The following GALNT6 variants were observed in gnomAD, a reference collection of about 807,000 sequenced individuals.
GALNT6 encodes the protein polypeptide N-acetylgalactosaminyltransferase 6, also known as GalNAc transferase 6.
A neutral mutation model predicts 65.9 loss-of-function variants in GALNT6; 51 were observed. The ratio of observed to expected loss-of-function variants is 0.77; its 90% CI spans 0.62 to 0.98. GALNT6 has a LOEUF of 0.98. Ranked by LOEUF, GALNT6 falls within the 50% of genes least tolerant of loss-of-function variation. The pLI, the probability that GALNT6 is intolerant of heterozygous loss-of-function variation, is 0.00. For missense variants in GALNT6, 708 were observed against 803.3 expected, an observed-to-expected ratio of 0.88 and a Z score of 1.43; for synonymous variants, 323 against 315.1, an observed-to-expected ratio of 1.02 and a Z score of -0.26.
At chr12:51,362,032 T>G (rs1268183395) in intron 6 of GALNT6, among the ~76,000 whole-genome samples, 1 of 152,190 alleles carries the variant, frequency 6.6e-6, no homozygotes, top group Non-Finnish European at 1.5e-5. Flanking sequence ...AGCCACTTTC[T>G]GGAAGGAATT....
intron 6 of GALNT6, 81 bp from the exon 7 acceptor site, chr12:51,360,919 C>A: frequency 6.3e-6 from 5 of 797,214 alleles, no homozygotes; most frequent in Non-Finnish European, 1.1e-5. Flanking sequence ...TTTGTGGACT[C>A]CCCTCCTAAC....
intron 3 of GALNT6, among the ~76,000 whole-genome samples, chr12:51,377,645 C>G (rs550139800): frequency 6.6e-6 from 1 of 152,168 alleles, no homozygotes; most frequent in Non-Finnish European, 1.5e-5. Context: ...CTCCTCCACC[C>G]CCTTCCTTCA....
intron 3 of GALNT6, among the ~76,000 whole-genome samples, chr12:51,378,944 G>A (rs190312192): frequency 2.7e-5 from 4 of 149,362 alleles, no homozygotes; most frequent in Admixed American, 6.9e-5. Context: ...CTCAGTAGAG[G>A]AGAAAGCTAC....
chr12:51,364,102 AC>A lies in GALNT6; in HGVS notation c.1049+18del, dbSNP rs1947012692. ...AGGACTGGGGCCAGGTTGGGGGCTCACCAGGCTGCGGTCCTTACTTGATGGG... is the reference window on the plus strand; with the variant it reads ...AGGACTGGGGCCAGGTTGGGGGCTCACAGGCTGCGGTCCTTACTTGATGGG... On this transcript the variant is annotated intron_variant, in intron 6 of 11. Coordinates refer to ENST00000356317, the MANE Select transcript of GALNT6 (RefSeq NM_007210.4). The A allele has an allele frequency of 6.4e-7, 1 of 1,573,858 alleles. No homozygotes were observed. Among genetic ancestry groups the A allele is most frequent in the East Asian group, 2.2e-5 (1 of 44,648 alleles).
At chr12:51,365,623 T>C (rs747183648) in intron 4 of GALNT6, 44 bp from the exon 5 acceptor site, 1 of 1,595,542 alleles carries the variant, frequency 6.3e-7, no homozygotes, top group Admixed American at 1.7e-5. Context: ...CACTTTGCTG[T>C]ATACCCAATC....
intron 6 of GALNT6, among the ~76,000 whole-genome samples, chr12:51,361,142 C>T (rs553092508): frequency 2.5e-4 from 38 of 152,312 alleles, no homozygotes; most frequent in Middle Eastern, 6.8e-3. Context: ...ACACACAGAA[C>T]GGAGAAAGAC....
rs1395678926 is a variant in GALNT6, at chr12:51,353,314, T to C, written c.*1065A>G. ...AAACAGTTCTACAGACTTCAGGTAA[T>C]AATAGCAAGGGAGGATCTCTTAGAC... On this transcript the variant is annotated 3_prime_UTR_variant, in exon 12 of 12. Coordinates refer to ENST00000356317, the MANE Select transcript of GALNT6 (RefSeq NM_007210.4). 2 of 151,850 alleles carry C rather than the reference T, an allele frequency of 1.3e-5. No individual in the cohort carries two copies. The highest frequency in any genetic ancestry group is 2.9e-5 in the Non-Finnish European group (2 of 67,988). The allele number at this position is 151,850 out of a possible 1,614,324, so 9.4% of individuals were successfully genotyped here.
At chr12:51,389,785 T>C (rs1362969398) in intron 2 of GALNT6, among the ~76,000 whole-genome samples, 1 of 152,208 alleles carries the variant, frequency 6.6e-6, no homozygotes, top group Non-Finnish European at 1.5e-5. Context: ...TTCTTCCAGC[T>C]GAACTTGGGC....
At chr12:51,372,052 T>C (rs1162365324) in intron 4 of GALNT6, among the ~76,000 whole-genome samples, 1 of 152,190 alleles carries the variant, frequency 6.6e-6, no homozygotes, top group Admixed American at 6.5e-5. Flanking sequence ...TTGTTTATCA[T>C]AGGGTCCACA....
intron 2 of GALNT6, among the ~76,000 whole-genome samples, chr12:51,381,290 G>C (rs951089173): frequency 2.6e-4 from 39 of 152,264 alleles, no homozygotes; most frequent in African/African-American, 9.4e-4. Context: ...TAATAAAAAA[G>C]AATTTAACAG....
At chr12:51,357,115 C>G (rs1255275486) in intron 10 of GALNT6, among the ~76,000 whole-genome samples, 1 of 152,222 alleles carries the variant, frequency 6.6e-6, no homozygotes, top group East Asian at 1.9e-4. Flanking sequence ...CAAGCCTCCT[C>G]TGATGAACAA....
In GALNT6 at chr12:51,359,223, C is replaced by T. The variant is rs147687571; in HGVS notation, c.1277G>A (p.Arg426His). 73 of 1,614,052 alleles carry T rather than the reference C, an allele frequency of 4.5e-5. No homozygotes were observed. Among genetic ancestry groups the T allele is most frequent in the East Asian group, 2.0e-4 (9 of 44,878 alleles). ...GACCTCTGCCAGGCGCACTTGATTG[C>T]GAGCAATGACACTAGTGCCCTTGGG... The part of the protein sequence containing the change: ...TFPKGTSVIA[R>H]NQVRLAEVWM... The change falls in exon 8 of 12, where the codon CGC becomes CAC. Residue 426 changes from arginine to histidine, a missense_variant. Transcript: ENST00000356317.
intron 3 of GALNT6, among the ~76,000 whole-genome samples, chr12:51,377,970 G>A (rs1234008962): frequency 1.3e-5 from 2 of 152,180 alleles, no homozygotes; most frequent in Non-Finnish European, 1.5e-5. Flanking sequence ...ACTTGGCCAT[G>A]CTGCTACCTT....
rs60044798 is a variant in GALNT6 at position 51,353,681 on chromosome 12, T to C, written c.*698A>G. On this transcript the variant is annotated 3_prime_UTR_variant, in exon 12 of 12. Transcript: ENST00000356317. ...CACTGTGCCCAGCCAGAATATATCA[T>C]TTCACTGGACTCTGCAGGTGCTTTG... The C allele has an allele frequency of 0.025, 3,814 of 152,282 alleles. 117 individuals are homozygous for C. Among genetic ancestry groups the C allele is most frequent in the East Asian group, 0.13 (657 of 5,164 alleles). The allele number at this position is 152,282 out of a possible 1,614,324, so 9.4% of individuals were successfully genotyped here. A position where few individuals can be genotyped will look rare whatever the true frequency, so the allele number is the denominator to read the frequency against.
At position 51,377,299 on chromosome 12, in the gene GALNT6, T is replaced by C. The variant is rs1947489223; in HGVS notation, c.560A>G (p.Asn187Ser). ...ATTSVIIVFH[N>S]EAWSTLLRTV... ...TCGCAGCAGTGTGGACCAGGCTTCG[T>C]TGTGGAACACAATGATCACGCTGGT... The change falls in exon 4 of 12, where the codon AAC (asparagine) becomes AGC (serine). Residue 187 changes from asparagine to serine, a missense_variant. Transcript: ENST00000356317. The C allele has an allele frequency of 1.2e-6, 2 of 1,613,530 alleles. No individual in the cohort carries two copies. The highest frequency in any genetic ancestry group is 8.5e-7 in the Non-Finnish European group (1 of 1,179,996).
intron 4 of GALNT6, among the ~76,000 whole-genome samples, chr12:51,374,297 T>C (rs1156714987): frequency 6.6e-6 from 1 of 152,150 alleles, no homozygotes; most frequent in African/African-American, 2.4e-5. Flanking sequence ...GCCTCCCAAG[T>C]AGCTGGGACC....
rs562748031 is a variant in GALNT6, at chr12:51,356,316, C to G, written c.1603-358G>C. ...TTGGCCTCCCAAAGTGCTGGGATTA[C>G]AGGTGTGAGCCACTGCGCCCAACCA... is the stretch of plus-strand genomic sequence containing the variant. On this transcript the variant is annotated intron_variant, in intron 10 of 11. Coordinates refer to ENST00000356317, the MANE Select transcript of GALNT6 (RefSeq NM_007210.4). Among the ~76,000 whole-genome samples, 25 of 147,680 alleles carry G rather than the reference C, an allele frequency of 1.7e-4. No individual in the cohort carries two copies. In the East Asian group the frequency reaches 4.8e-3, roughly 28 times the overall value.
rs1375878245 is a variant in GALNT6 at position 51,353,378 on chromosome 12, T to G, written c.*1001A>C. 2 of 152,116 alleles carry G rather than the reference T, an allele frequency of 1.3e-5. No individual in the cohort carries two copies. Among genetic ancestry groups the G allele is most frequent in the Non-Finnish European group, 2.9e-5 (2 of 68,232 alleles). 9.4% of individuals were successfully genotyped at this position (152,116 alleles called of 1,614,324 possible). A position where few individuals can be genotyped will look rare whatever the true frequency, so the allele number is the denominator to read the frequency against. On this transcript the variant is annotated 3_prime_UTR_variant, in exon 12 of 12. Coordinates refer to ENST00000356317, the MANE Select transcript of GALNT6 (RefSeq NM_007210.4). The stretch of plus-strand genomic sequence containing the variant: ...GTTAGAATATACTTTTTTTTTTTTT[T>G]TTTTTCCTGAGATGGAGTTTCGCTC...
rs1039376899 is a variant in GALNT6 at position 51,351,606 on chromosome 12, C to T, written c.*2773G>A. ...AAGTGGAAGGAATTGCTCCTTCTAA[C>T]TCATCCAGCACCTCTTGGAGCATCT... On this transcript the variant is annotated 3_prime_UTR_variant, in exon 12 of 12. Coordinates refer to ENST00000356317, the MANE Select transcript of GALNT6 (RefSeq NM_007210.4). The T allele has an allele frequency of 6.6e-6, 1 of 152,290 alleles. No individual in the cohort carries two copies. The highest frequency in any genetic ancestry group is 6.5e-5 in the Admixed American group (1 of 15,288). The allele number at this position is 152,290 out of a possible 1,614,324, so 9.4% of individuals were successfully genotyped here.
Sources: gnomAD v4.1 joint callset for allele counts (sites outside exome capture counted in the v4.1 genomes callset) on GRCh38, gnomAD v4.1.1 for gene constraint, MANE v1.5 for transcripts, NCBI Gene and HGNC (gene_info 2026-07-23, HGNC 2026-07-21) for gene names.